The following MEIOB variants were observed in gnomAD, a reference collection of about 807,000 sequenced individuals.
MEIOB encodes meiosis-specific with OB domain-containing protein.
A neutral mutation model predicts 53.1 loss-of-function variants in MEIOB; 50 were observed. The ratio of observed to expected loss-of-function variants is 0.94; its 90% confidence interval spans 0.75 to 1.19. The LOEUF is 1.19. Ranked by LOEUF, MEIOB falls within the 50% of genes most tolerant of loss-of-function variation. The pLI, the probability that MEIOB is intolerant of heterozygous loss-of-function variation, is 0.00. For missense variants in MEIOB, 551 were observed against 550.8 expected, an observed-to-expected ratio of 1.00 and a Z score of 0.00; for synonymous variants, 192 against 182.5, an observed-to-expected ratio of 1.05 and a Z score of -0.42.
intron 2 of MEIOB, among the ~76,000 whole-genome samples, chr16:1,866,078 T>C (rs1156554944): frequency 6.6e-6 from 1 of 152,216 alleles, no homozygotes; most frequent in Non-Finnish European, 1.5e-5. Flanking sequence ...ATACTTAGCA[T>C]ATTTCTACTT....
intron 3 of MEIOB, 32 bp downstream of exon 3, chr16:1,865,746 A>G: frequency 7.3e-6 from 11 of 1,508,974 alleles, no homozygotes; most frequent in Non-Finnish European, 9.8e-6. Flanking sequence ...AAGTTGATGA[A>G]AAATGAAACC....
chr16:1,839,533 A>G (rs1171155877), intron 11 of MEIOB, 95 bp from the exon 12 acceptor site: 3 of 1,178,272 alleles, frequency 2.5e-6, no homozygotes, highest in Non-Finnish European at 3.5e-6. Context: ...ACTCTACGAC[A>G]GTGTGTGGAA....
chr16:1,871,551 G>A (rs1276047541), intron 1 of MEIOB, among the ~76,000 whole-genome samples: 1 of 104,758 alleles, frequency 9.5e-6, no homozygotes, highest in Non-Finnish European at 1.8e-5. Context: ...TTTTGACAGA[G>A]TCTTGCTCTG....
intron 1 of MEIOB, among the ~76,000 whole-genome samples, chr16:1,869,573 G>C (rs557159124): frequency 1.3e-5 from 2 of 150,080 alleles, no homozygotes; most frequent in Non-Finnish European, 1.5e-5. Flanking sequence ...TCAGCCTCCC[G>C]AGTAGCTGGG....
intron 4 of MEIOB, 81 bp from the exon 5 acceptor site, chr16:1,860,556 A>T: frequency 8.7e-5 from 67 of 767,390 alleles, no homozygotes; most frequent in Middle Eastern, 2.6e-4. Context: ...ATCCTGTTTA[A>T]TTTATGATCA....
chr16:1,834,842 G>C (rs1258079001), intron 13 of MEIOB, among the ~76,000 whole-genome samples: 1 of 152,208 alleles, frequency 6.6e-6, no homozygotes, highest in Non-Finnish European at 1.5e-5. Context: ...GGCTGAGGCA[G>C]GAGAATCCCT....
chr16:1,844,174 G>A (rs2142082004), intron 10 of MEIOB, among the ~76,000 whole-genome samples: 1 of 148,322 alleles, frequency 6.7e-6, no homozygotes. Context: ...CCAGACTGGA[G>A]TACAGTGGTG....
chr16:1,837,799 G>T lies in MEIOB; in HGVS notation c.1290C>A (p.Ser430Arg). Residue 430 changes from serine to arginine, a missense_variant, in exon 13 of 14, where the codon AGC becomes AGA. Ser to Arg is a moderately radical substitution (Grantham distance 110). Transcript: ENST00000325962. ...ALKWQFLLER[S>R]KIYLKFVLSH... ...ATGCACTAACTTTTAAATAAATTTT[G>T]CTTCTTTCCAAGAGAAATTGCCACT... 2.0e-6 allele frequency: 3 copies of T among 1,521,380 alleles called. No individual in the cohort carries two copies. The highest frequency in any genetic ancestry group is 2.7e-6 in the Non-Finnish European group (3 of 1,125,528). 94.2% of individuals were successfully genotyped at this position (1,521,380 alleles called of 1,614,324 possible).
intron 6 of MEIOB, among the ~76,000 whole-genome samples, chr16:1,855,368 G>A (rs1287066431): frequency 6.6e-6 from 1 of 152,034 alleles, no homozygotes; most frequent in Non-Finnish European, 1.5e-5. Context: ...GGAGGTGGAG[G>A]TTGCAGTGAG....
intron 13 of MEIOB, among the ~76,000 whole-genome samples, chr16:1,834,638 C>T (rs928605015): frequency 1.1e-4 from 17 of 152,218 alleles, no homozygotes; most frequent in African/African-American, 3.6e-4. Flanking sequence ...GATTAAAAGT[C>T]TAATGTGGCC....
chr16:1,863,219 T>C (rs1176517818), intron 3 of MEIOB, among the ~76,000 whole-genome samples: 1 of 152,038 alleles, frequency 6.6e-6, no homozygotes, highest in African/African-American at 2.4e-5. Flanking sequence ...AGGGTGTTCA[T>C]GAAATGTACA....
chr16:1,856,668 G>T (rs938158518), intron 6 of MEIOB, among the ~76,000 whole-genome samples: 2 of 151,430 alleles, frequency 1.3e-5, no homozygotes, highest in African/African-American at 2.4e-5. Flanking sequence ...CACCATATTG[G>T]CCAGGCTGGT....
Position 1,834,221 on chromosome 16 carries a change from T to G in MEIOB, c.*35A>C. On this transcript the variant is annotated 3_prime_UTR_variant, in exon 14 of 14. Transcript: ENST00000325962. The stretch of plus-strand genomic sequence containing the variant: ...TCCATTTTAAAGGGAGTTAAAACTC[T>G]TATACTTTTCCAGAGTTCAAAATGA... 8.6e-7 allele frequency: 1 copy of G among 1,160,794 alleles called. No homozygotes were observed. The highest frequency in any genetic ancestry group is 1.3e-6 in the Non-Finnish European group (1 of 779,698). 71.9% of individuals were successfully genotyped at this position (1,160,794 alleles called of 1,614,324 possible).
intron 9 of MEIOB, among the ~76,000 whole-genome samples, chr16:1,850,407 C>T (rs191228001): frequency 6.6e-6 from 1 of 151,436 alleles, no homozygotes; most frequent in South Asian, 2.1e-4. Flanking sequence ...GGTGAAACCC[C>T]GTCTCTACTA....
intron 6 of MEIOB, among the ~76,000 whole-genome samples, chr16:1,857,076 T>G (rs959557477): frequency 4.6e-5 from 7 of 152,228 alleles, no homozygotes; most frequent in Admixed American, 3.9e-4. Flanking sequence ...TTTCATGTAC[T>G]TTATTTTGTG....
intron 13 of MEIOB, among the ~76,000 whole-genome samples, chr16:1,835,780 G>A (rs570061233): frequency 6.6e-5 from 10 of 152,208 alleles, no homozygotes; most frequent in African/African-American, 2.2e-4. Flanking sequence ...CCCTATAGAG[G>A]AGCCCAGAGG....
intron 12 of MEIOB, 149 bp from the exon 13 acceptor site, chr16:1,838,019 C>A: frequency 7.1e-7 from 1 of 1,402,866 alleles, no homozygotes; most frequent in Non-Finnish European, 9.5e-7. Flanking sequence ...TTTGTAGAGA[C>A]AGGGTCTCAC....
At chr16:1,847,775 C>T (rs1031505405) in intron 9 of MEIOB, among the ~76,000 whole-genome samples, 3 of 152,036 alleles carry the variant, frequency 2.0e-5, no homozygotes, top group African/African-American at 2.4e-5. Context: ...TTCCTGTCCC[C>T]GTTTTAGGGT....
intron 9 of MEIOB, among the ~76,000 whole-genome samples, chr16:1,845,389 G>A (rs918269736): frequency 2.0e-5 from 3 of 152,006 alleles, no homozygotes; most frequent in African/African-American, 7.2e-5. Flanking sequence ...GCGTGGTGGT[G>A]GGCGCCTGTA....
Sources: allele counts gnomAD v4.1 joint callset (sites outside exome capture counted in the v4.1 genomes callset), GRCh38; gene constraint gnomAD v4.1.1; transcripts MANE v1.5; gene names NCBI Gene and HGNC (gene_info 2026-07-23, HGNC 2026-07-21).